Variants in CACNG2 observed in about 807,000 individuals in gnomAD.
The protein encoded by CACNG2 is calcium voltage-gated channel auxiliary subunit gamma 2.
A neutral mutation model predicts 25.9 loss-of-function variants in CACNG2; 3 were observed. The ratio of observed to expected loss-of-function variants is 0.12; its 90% CI spans 0.05 to 0.30. The LOEUF (loss-of-function observed/expected upper bound fraction) is 0.30, where lower values mean the gene tolerates loss of function less well. Ranked by LOEUF, CACNG2 falls within the 10% of genes least tolerant of loss-of-function variation. The pLI is 1.00. For missense variants in CACNG2, 341 were observed against 432.5 expected, an observed-to-expected ratio of 0.79 and a Z score of 1.88; for synonymous variants, 167 against 173.3, an observed-to-expected ratio of 0.96 and a Z score of 0.29.
intron 1 of CACNG2, among the ~76,000 whole-genome samples, chr22:36,662,419 C>T (rs1275444218): frequency 1.3e-5 from 2 of 152,186 alleles, no homozygotes; most frequent in Non-Finnish European, 2.9e-5. Context: ...TCTGACCTGA[C>T]CCCTGCTTCC....
chr22:36,679,180 TCC>T (rs1258617944), intron 1 of CACNG2, among the ~76,000 whole-genome samples: 251 of 132,048 alleles, frequency 1.9e-3, no homozygotes, highest in Non-Finnish European at 2.6e-3. Context: ...CTTCCTTCCT[TCC>T]TTCCTTCCTT....
chr22:36,672,726 C>T (rs893796880), intron 1 of CACNG2, among the ~76,000 whole-genome samples: 3 of 152,202 alleles, frequency 2.0e-5, no homozygotes, highest in African/African-American at 7.2e-5. Flanking sequence ...CACCACTGGA[C>T]ATGATTCAAC....
chr22:36,633,367 C>G (rs1936305256), intron 1 of CACNG2, among the ~76,000 whole-genome samples: 1 of 152,136 alleles, frequency 6.6e-6, no homozygotes, highest in African/African-American at 2.4e-5. Context: ...CATTATTTTT[C>G]CCAATTTTAA....
chr22:36,684,128 G>A (rs1441263014), intron 1 of CACNG2, among the ~76,000 whole-genome samples: 1 of 152,184 alleles, frequency 6.6e-6, no homozygotes, highest in Non-Finnish European at 1.5e-5. Flanking sequence ...TAGGAACAAC[G>A]CTTTTGCAAA....
chr22:36,659,982 G>C (rs1216554314), intron 1 of CACNG2, among the ~76,000 whole-genome samples: 1 of 152,206 alleles, frequency 6.6e-6, no homozygotes, highest in East Asian at 1.9e-4. Context: ...GTGGCTTCCA[G>C]CTTGCACTGA....
intron 1 of CACNG2, among the ~76,000 whole-genome samples, chr22:36,665,011 G>T (rs573924020): frequency 7.9e-4 from 120 of 152,306 alleles, no homozygotes; most frequent in Non-Finnish European, 1.0e-4. Context: ...GGGAGGGCCT[G>T]CTAGAAGGAC....
chr22:36,663,455 C>T (rs748698698), intron 1 of CACNG2, among the ~76,000 whole-genome samples: 4 of 152,136 alleles, frequency 2.6e-5, no homozygotes, highest in South Asian at 2.1e-4. Context: ...AAAGTTCAAG[C>T]GCTCAGCATA....
intron 1 of CACNG2, among the ~76,000 whole-genome samples, chr22:36,662,308 G>T (rs1025961517): frequency 5.3e-5 from 8 of 152,090 alleles, no homozygotes; most frequent in African/African-American, 1.9e-4. Context: ...AAGCCATCTT[G>T]TGAAGCGGTT....
intron 1 of CACNG2, among the ~76,000 whole-genome samples, chr22:36,681,141 C>T (rs1937117211): frequency 6.6e-6 from 1 of 152,104 alleles, no homozygotes; most frequent in Non-Finnish European, 1.5e-5. Flanking sequence ...ATCGATGGAT[C>T]ATTTTCTTTT....
At chr22:36,591,527 C>A (rs1603501050) in intron 1 of CACNG2, among the ~76,000 whole-genome samples, 1 of 151,930 alleles carries the variant, frequency 6.6e-6, no homozygotes, top group South Asian at 2.1e-4. Flanking sequence ...AACAAATTAG[C>A]CAGATGTGGT....
At chr22:36,672,911 A>G (rs1936971957) in intron 1 of CACNG2, among the ~76,000 whole-genome samples, 3 of 152,230 alleles carry the variant, frequency 2.0e-5, no homozygotes, top group Non-Finnish European at 4.4e-5. Flanking sequence ...GGCTGGGCCC[A>G]TCATGGGACT....
At chr22:36,701,468 G>A (rs1937410735) in intron 1 of CACNG2, among the ~76,000 whole-genome samples, 1 of 151,882 alleles carries the variant, frequency 6.6e-6, no homozygotes. Context: ...AGACACACAT[G>A]CCTCAACACT....
chr22:36,618,525 CA>C (rs1936058274), intron 1 of CACNG2, among the ~76,000 whole-genome samples: 1 of 152,224 alleles, frequency 6.6e-6, no homozygotes, highest in Non-Finnish European at 1.5e-5. Context: ...TGGACACAGT[CA>C]GGCAAGAATT....
chr22:36,637,257 A>G (rs1569036725), intron 1 of CACNG2, among the ~76,000 whole-genome samples: 1 of 152,204 alleles, frequency 6.6e-6, no homozygotes, highest in East Asian at 1.9e-4. Flanking sequence ...GCTTCTCAGA[A>G]AAACAATGGG....
chr22:36,627,641 GAT>G (rs769060942), intron 1 of CACNG2, among the ~76,000 whole-genome samples: 3 of 106,592 alleles, frequency 2.8e-5, no homozygotes, highest in Non-Finnish European at 4.1e-5. Context: ...GAATGACTTT[GAT>G]TTTTTTTTTT....
At chr22:36,696,630 C>A (rs895510272) in intron 1 of CACNG2, among the ~76,000 whole-genome samples, 1 of 152,164 alleles carries the variant, frequency 6.6e-6, no homozygotes, top group Non-Finnish European at 1.5e-5. Context: ...AGCTGACAGT[C>A]TAGTGGTGAG....
At chr22:36,607,357 G>C (rs1935855161) in intron 1 of CACNG2, among the ~76,000 whole-genome samples, 1 of 152,144 alleles carries the variant, frequency 6.6e-6, no homozygotes, top group African/African-American at 2.4e-5. Flanking sequence ...CAGGTGACAG[G>C]TGATCCTCCC....
intron 1 of CACNG2, 21 bp downstream of exon 1, chr22:36,702,333 TGGAGAGGGGGGA>T: frequency 8.8e-7 from 1 of 1,141,018 alleles, no homozygotes; most frequent in Non-Finnish European, 1.2e-6. Context: ...AGGGGTGGGG[TGGAGAGGGGGGA>T]GGAGATGGGA....
At chr22:36,624,462 G>A (rs141814532) in intron 1 of CACNG2, among the ~76,000 whole-genome samples, 253 of 152,324 alleles carry the variant, frequency 1.7e-3, no homozygotes, top group Middle Eastern at 6.8e-3. Context: ...CCCAGGCTGA[G>A]GGTCAGAGCC....
Sources: allele counts gnomAD v4.1 joint callset (sites outside exome capture counted in the v4.1 genomes callset), GRCh38; gene constraint gnomAD v4.1.1; transcripts MANE v1.5; gene names NCBI Gene and HGNC (gene_info 2026-07-23, HGNC 2026-07-21).